The following ZFP2 variants were observed in gnomAD, a reference collection of about 807,000 sequenced individuals.
ZFP2 encodes the protein zinc finger protein ZFP2.
A neutral mutation model predicts 36.1 loss-of-function variants in ZFP2; 33 were observed. The observed-to-expected ratio is 0.92, with a 90% CI of 0.69 to 1.22. The LOEUF (loss-of-function observed/expected upper bound fraction) is 1.22. Among genes scored for constraint, ZFP2 ranks in the 50% most tolerant of loss-of-function variants. The pLI, the probability that ZFP2 is intolerant of heterozygous loss-of-function variation, is 0.00. For missense variants in ZFP2, 522 were observed against 551.4 expected, an observed-to-expected ratio of 0.95 and a Z score of 0.53; for synonymous variants, 170 against 178.0, an observed-to-expected ratio of 0.96 and a Z score of 0.36.
At position 178,931,662 on chromosome 5, in the gene ZFP2, C is replaced by T; in HGVS notation, c.349C>T (p.Leu117Phe). ...CSKTFSQSSS[L>F]LKHQRIHTGE... ...CAAAACCTTCAGTCAGAGCTCATCC[C>T]TTCTTAAGCACCAGAGGATTCATAC... Residue 117 changes from leucine to phenylalanine, a missense_variant, in exon 5 of 5, where the codon CTT becomes TTT. Leu to Phe is a conservative substitution (Grantham distance 22). Coordinates refer to ENST00000361362, the MANE Select transcript of ZFP2 (RefSeq NM_030613.4). 6.2e-7 allele frequency: 1 copy of T among 1,614,118 alleles called. No individual in the cohort carries two copies. Among genetic ancestry groups the T allele is most frequent in the East Asian group, 2.2e-5 (1 of 44,876 alleles).
intron 1 of ZFP2, among the ~76,000 whole-genome samples, chr5:178,908,158 A>G (rs1432126438): frequency 6.6e-6 from 1 of 152,134 alleles, no homozygotes; most frequent in Non-Finnish European, 1.5e-5. Flanking sequence ...TTTAAAAATA[A>G]TTATTACTGG....
At position 178,931,417 on chromosome 5, in the gene ZFP2, C is replaced by T. The variant is rs1006431461; in HGVS notation, c.104C>T (p.Thr35Ile). ...AGTCATCTGAGCCAAGTGGGAGTTA[C>T]CCATAAGGAAACCTTCACTGAGATG... ...QDSHLSQVGV[T>I]HKETFTEMRV... Residue 35 changes from threonine to isoleucine, a missense_variant, in exon 5 of 5, where the codon ACC becomes ATC. Transcript: ENST00000361362. 5 of 1,613,892 alleles carry T rather than the reference C, an allele frequency of 3.1e-6. No individual in the cohort carries two copies. The highest frequency in any genetic ancestry group is 1.7e-5 in the Admixed American group (1 of 59,984).
chr5:178,932,192 TG>T lies in ZFP2; in HGVS notation c.881del (p.Gly294GlufsTer21). 1 of 1,614,132 alleles carries T rather than the reference TG, an allele frequency of 6.2e-7. No individual in the cohort carries two copies. Among genetic ancestry groups the T allele is most frequent in the South Asian group, 1.1e-5 (1 of 91,080 alleles). Reference sequence around the variant, plus strand: ...TTACCCTACATCAGCGAAATCACACTGGAGAAAAACCTTACAAATGTAACAA... The same window carrying T: ...TTACCCTACATCAGCGAAATCACACTGAGAAAAACCTTACAAATGTAACAA... The part of the protein sequence containing the change: ...TLTLHQRNHT[G>X]EKPYKCNKCG... On this transcript the variant is annotated frameshift_variant, in exon 5 of 5. Coordinates refer to ENST00000361362, the MANE Select transcript of ZFP2 (RefSeq NM_030613.4). LOFTEE classifies it high-confidence loss of function.
intron 3 of ZFP2, among the ~76,000 whole-genome samples, chr5:178,914,792 G>T (rs1404753768): frequency 6.6e-6 from 1 of 152,068 alleles, no homozygotes; most frequent in Admixed American, 6.6e-5. Context: ...TTACAGGGAG[G>T]GCTTCTCCTT....
Position 178,932,110 on chromosome 5 carries a change from G to A in ZFP2, c.797G>A (p.Gly266Glu). The A allele has an allele frequency of 6.2e-7, 1 of 1,612,936 alleles. No individual in the cohort carries two copies. The highest frequency in any genetic ancestry group is 8.5e-7 in the Non-Finnish European group (1 of 1,179,082). Reference sequence around the variant, plus strand: ...ATTGTACATCAGAGAAGCCATACTGGAGAAAAACCCTATGAGTGTAGTCAA... The same window carrying A: ...ATTGTACATCAGAGAAGCCATACTGAAGAAAAACCCTATGAGTGTAGTCAA... ...HLIVHQRSHT[G>E]EKPYECSQCG... The change falls in exon 5 of 5, where the codon GGA becomes GAA. Residue 266 changes from glycine (G) to glutamate (E), a missense_variant. Physicochemically the swap from Gly to Glu is moderately conservative, Grantham distance 98. Coordinates refer to ENST00000361362, the MANE Select transcript of ZFP2 (RefSeq NM_030613.4).
intron 4 of ZFP2, among the ~76,000 whole-genome samples, chr5:178,930,374 G>A (rs1758803888): frequency 8.8e-6 from 1 of 113,958 alleles, no homozygotes; most frequent in Non-Finnish European, 1.7e-5. Flanking sequence ...AGGCTGGAGT[G>A]CAGTGGTACT....
At chr5:178,912,147 GAGAA>G (rs1452430558) in intron 1 of ZFP2, among the ~76,000 whole-genome samples, 1 of 152,148 alleles carries the variant, frequency 6.6e-6, no homozygotes, top group Non-Finnish European at 1.5e-5. Flanking sequence ...AAATAGGAAA[GAGAA>G]AGAAAAGAAA....
intron 4 of ZFP2, among the ~76,000 whole-genome samples, chr5:178,928,891 G>A (rs1233577508): frequency 6.6e-6 from 1 of 152,226 alleles, no homozygotes; most frequent in East Asian, 1.9e-4. Context: ...TGGACACCTA[G>A]GCTTTTCTAT....
intron 1 of ZFP2, among the ~76,000 whole-genome samples, chr5:178,896,324 G>A (rs952624313): frequency 6.6e-6 from 1 of 152,222 alleles, no homozygotes; most frequent in Non-Finnish European, 1.5e-5. Flanking sequence ...GGGGCCCAAG[G>A]TTCCAAGAGT....
intron 3 of ZFP2, 69 bp downstream of exon 3, chr5:178,913,140 G>T: frequency 1.3e-5 from 12 of 889,076 alleles, no homozygotes; most frequent in Non-Finnish European, 1.6e-5. Flanking sequence ...AGAGATTGTT[G>T]GGTCTCTGGA....
At chr5:178,903,785 C>T (rs6899251) in intron 1 of ZFP2, among the ~76,000 whole-genome samples, 8 of 151,864 alleles carry the variant, frequency 5.3e-5, no homozygotes, top group Admixed American at 3.3e-4. Context: ...CTGGCCAATA[C>T]GGTGAAACTC....
chr5:178,928,999 C>T (rs1444202218), intron 4 of ZFP2, among the ~76,000 whole-genome samples: 1 of 152,252 alleles, frequency 6.6e-6, no homozygotes, highest in East Asian at 1.9e-4. Context: ...CCAAGGCTTA[C>T]AGCTTGCACC....
intron 1 of ZFP2, chr5:178,910,346 C>A: frequency 9.1e-7 from 1 of 1,102,746 alleles, no homozygotes; most frequent in Non-Finnish European, 1.4e-6. Flanking sequence ...ACAGTTCTTC[C>A]AACCCCTGCA....
intron 1 of ZFP2, among the ~76,000 whole-genome samples, chr5:178,898,417 C>CGTATAGCTCTCT (rs1192734082): frequency 2.0e-5 from 3 of 152,302 alleles, no homozygotes; most frequent in African/African-American, 7.2e-5. Context: ...CTCTGTCTTT[C>CGTATAGCTCTCT]GTCTTTGTAT....
Position 178,916,645 on chromosome 5 carries a change from G to A in ZFP2, c.-143G>A. ...GTCCCAGTCAAGGGGAGAAAGTATT[G>A]ACTGAGTGCTGTGCTCAGCTCTTCC... On this transcript the variant is annotated 5_prime_UTR_variant, in exon 4 of 5. Coordinates refer to ENST00000361362, the MANE Select transcript of ZFP2 (RefSeq NM_030613.4). The A allele has an allele frequency of 1.0e-6, 1 of 985,336 alleles. No homozygotes were observed. The highest frequency in any genetic ancestry group is 1.2e-6 in the Non-Finnish European group (1 of 829,926). 61.0% of individuals were successfully genotyped at this position (985,336 alleles called of 1,614,324 possible).
intron 4 of ZFP2, among the ~76,000 whole-genome samples, chr5:178,918,727 A>G (rs1458691941): frequency 6.6e-6 from 1 of 152,236 alleles, no homozygotes; most frequent in East Asian, 1.9e-4. Flanking sequence ...GGCAGAGAGA[A>G]CTGTATGTTG....
chr5:178,910,672 T>C, intron 1 of ZFP2: 1 of 357,876 alleles, frequency 2.8e-6, no homozygotes, highest in Non-Finnish European at 5.5e-6. Context: ...CGCTGGCCCA[T>C]GCACCTCAAC....
At chr5:178,929,942 TGG>T (rs66712212) in intron 4 of ZFP2, among the ~76,000 whole-genome samples, 3 of 132,006 alleles carry the variant, frequency 2.3e-5, no homozygotes, top group South Asian at 4.9e-4. Context: ...TGCTTGACGG[TGG>T]GGGGGGGGGC....
At chr5:178,896,162 T>C (rs999072619) in intron 1 of ZFP2, among the ~76,000 whole-genome samples, 188 bp downstream of exon 1, 4 of 152,114 alleles carry the variant, frequency 2.6e-5, no homozygotes, top group Non-Finnish European at 5.9e-5. Context: ...CCAGGTGCGC[T>C]CCCTCTTCCC....
Sources: gnomAD v4.1 joint callset for allele counts (sites outside exome capture counted in the v4.1 genomes callset) on GRCh38, gnomAD v4.1.1 for gene constraint, MANE v1.5 for transcripts, NCBI Gene and HGNC (gene_info 2026-07-23, HGNC 2026-07-21) for gene names.